The following LARGE1 variants were observed in gnomAD, a reference collection of about 807,000 sequenced individuals.
The protein encoded by LARGE1 is xylosyl- and glucuronyltransferase LARGE1.
LARGE1 carries 43 observed loss-of-function variants against 87.6 expected under a neutral mutation model. The observed-to-expected ratio is 0.49, with a 90% CI of 0.38 to 0.63. The LOEUF (loss-of-function observed/expected upper bound fraction) is 0.63. Ranked by LOEUF, LARGE1 falls within the 30% of genes least tolerant of loss-of-function variation. The probability of loss-of-function intolerance (pLI) is 0.00; values close to 1 mark genes in which losing one functional copy is unlikely to be tolerated. For missense variants in LARGE1, 802 were observed against 1,000.2 expected (o/e 0.80, Z 2.67); for synonymous variants, 434 against 394.6 (o/e 1.10, Z -1.18).
intron 6 of LARGE1, among the ~76,000 whole-genome samples, chr22:33,441,486 C>A (rs2067476062): frequency 6.6e-6 from 1 of 152,134 alleles, no homozygotes; most frequent in South Asian, 2.1e-4. Flanking sequence ...CAGGGTCTCA[C>A]TATGTCACCC....
At chr22:33,275,750 C>T (rs1040135090) in intron 14 of LARGE1, among the ~76,000 whole-genome samples, 1 of 152,194 alleles carries the variant, frequency 6.6e-6, no homozygotes, top group Non-Finnish European at 1.5e-5. Context: ...TTCAAGAATT[C>T]TGTCAAAACT....
At chr22:33,344,401 C>A (rs1043579952) in intron 9 of LARGE1, among the ~76,000 whole-genome samples, 9 of 152,146 alleles carry the variant, frequency 5.9e-5, no homozygotes, top group East Asian at 5.8e-4. Flanking sequence ...GAAGGTATCA[C>A]AAAACTGTCC....
rs1249572845 is a variant in LARGE1, at chr22:33,584,217, T to C, written c.616-19198A>G. Among the ~76,000 whole-genome samples the C allele has an allele frequency of 2.0e-5, 3 of 152,224 alleles. No individual in the cohort carries two copies. The South Asian group carries it at 6.2e-4, about 32-fold the overall frequency. On this transcript the variant is annotated intron_variant, in intron 5 of 14. Transcript: ENST00000397394. The stretch of plus-strand genomic sequence containing the variant: ...TTGCTTGGGAAAAAGTATTCTCTTC[T>C]TTGGGCAACGAAAGCCTGTCATTAA...
chr22:33,293,273 C>T (rs1932856653), intron 12 of LARGE1, among the ~76,000 whole-genome samples: 1 of 152,230 alleles, frequency 6.6e-6, no homozygotes, highest in South Asian at 2.1e-4. Flanking sequence ...TGCTTACATG[C>T]ATTGAGTTTC....
upstream of LARGE1, among the ~76,000 whole-genome samples, chr22:33,921,062 G>A (rs1457099727): frequency 1.3e-5 from 2 of 150,484 alleles, no homozygotes; most frequent in African/African-American, 4.8e-5. This position sits in a 1 kb window ranked among gnomAD's most constrained non-coding sequence, Gnocchi z 4.1. Flanking sequence ...CCGGGGCTGG[G>A]TTCCGAGCGG....
chr22:33,210,251 G>C (rs1420046387), intron 11 of LARGE1, among the ~76,000 whole-genome samples: 1 of 152,260 alleles, frequency 6.6e-6, no homozygotes, highest in East Asian at 1.9e-4. Flanking sequence ...GGCCTTTGGG[G>C]CGTGTATCCT....
In LARGE1 at chr22:33,626,270, G is replaced by A. The variant is rs774224430; in HGVS notation, c.465C>T (p.Thr155=). 3.1e-6 allele frequency: 5 copies of A among 1,614,104 alleles called. No individual in the cohort carries two copies. In the South Asian group the frequency reaches 5.5e-5, roughly 18 times the overall value. ...AGYNASRDVV[T]LVKSVLFHRR... is the part of the protein sequence containing the mutation. ...TATGGAACAGGACGGATTTGACCAG[G>A]GTGACGACATCCCGGCTGGCATTGT... is the stretch of plus-strand genomic sequence containing the variant. Residue 155 remains threonine, a synonymous_variant, in exon 4 of 15, where the codon ACC becomes ACT. Transcript: ENST00000397394.
At chr22:33,413,594 A>T (rs1022793859) in intron 7 of LARGE1, among the ~76,000 whole-genome samples, 1 of 151,932 alleles carries the variant, frequency 6.6e-6, no homozygotes, top group African/African-American at 2.4e-5. Context: ...CCTCCTGAGT[A>T]CCCGGGACTA....
intron 2 of LARGE1, among the ~76,000 whole-genome samples, chr22:33,699,546 G>A (rs1438813430): frequency 3.9e-5 from 6 of 152,198 alleles, no homozygotes; most frequent in Admixed American, 6.5e-5. Context: ...AGGACGGCAC[G>A]ATGTAGACAG....
At chr22:33,835,689 C>T (rs1054629562) in intron 1 of LARGE1, among the ~76,000 whole-genome samples, 2 of 152,214 alleles carry the variant, frequency 1.3e-5, no homozygotes, top group African/African-American at 4.8e-5. Context: ...GCTCACCTGG[C>T]ATGGATAAAT....
chr22:33,488,103 G>T (rs1569206916), intron 6 of LARGE1, among the ~76,000 whole-genome samples: 1 of 152,214 alleles, frequency 6.6e-6, no homozygotes, highest in Non-Finnish European at 1.5e-5. Context: ...AGGACTTGGT[G>T]AAATTTCAAA....
chr22:33,366,610 A>C (rs920738860), intron 9 of LARGE1, among the ~76,000 whole-genome samples: 1 of 152,178 alleles, frequency 6.6e-6, no homozygotes, highest in Non-Finnish European at 1.5e-5. Flanking sequence ...AGATTTTTGC[A>C]TCTATATTCA....
intron 2 of LARGE1, among the ~76,000 whole-genome samples, chr22:33,716,569 A>G (rs141476941): frequency 5.3e-5 from 8 of 152,244 alleles, no homozygotes; most frequent in Non-Finnish European, 4.4e-5. Context: ...GCTAACTTAC[A>G]TTATTTTTTG....
chr22:33,389,286 G>T (rs1241844327), intron 7 of LARGE1, among the ~76,000 whole-genome samples: 3 of 152,380 alleles, frequency 2.0e-5, no homozygotes, highest in Admixed American at 2.0e-4. Flanking sequence ...ACACAGGTGC[G>T]TTCCAACCAT....
intron 5 of LARGE1, among the ~76,000 whole-genome samples, chr22:33,595,934 T>C (rs2078964958): frequency 6.6e-6 from 1 of 152,162 alleles, no homozygotes; most frequent in African/African-American, 2.4e-5. Context: ...AAGATGAAGA[T>C]TTCAGTAAGG....
chr22:33,298,572 T>C (rs1378737149), intron 12 of LARGE1, among the ~76,000 whole-genome samples: 5 of 152,138 alleles, frequency 3.3e-5, no homozygotes, highest in Admixed American at 2.0e-4. Context: ...CCTGTAATCC[T>C]AGGGTTGTGG....
intron 3 of LARGE1, among the ~76,000 whole-genome samples, chr22:33,631,235 A>G (rs1438198431): frequency 6.6e-6 from 1 of 151,960 alleles, no homozygotes; most frequent in Non-Finnish European, 1.5e-5. Context: ...AGACATGATC[A>G]CAGAACACGA....
At chr22:33,425,690 T>G (rs933011157) in intron 7 of LARGE1, among the ~76,000 whole-genome samples, 3 of 152,230 alleles carry the variant, frequency 2.0e-5, no homozygotes, top group African/African-American at 7.2e-5. Context: ...TAGGATCAAG[T>G]AAAACTGGGA....
rs35353034 is a variant in LARGE1, at chr22:33,455,757, CAAAAAAA to C, written c.788-23499_788-23493del. ...CGACTGAGTGAAACTCTGTCTCAGC[CAAAAAAA>C]AAAAAAAAAAAAAAAATTGCTATTG... On this transcript the variant is annotated intron_variant, in intron 6 of 14. Coordinates refer to ENST00000397394, the MANE Select transcript of LARGE1 (RefSeq NM_133642.5). 1.7e-3 allele frequency among the ~76,000 whole-genome samples: 107 copies of C among 64,250 alleles called. 2 individuals are homozygous for C. Among genetic ancestry groups the C allele is most frequent in the African/African-American group, 5.3e-3 (84 of 15,856 alleles). 42.2% of individuals were successfully genotyped at this position (64,250 alleles called of 152,430 possible).
Sources: gnomAD v4.1 joint callset for allele counts (sites outside exome capture counted in the v4.1 genomes callset) on GRCh38, gnomAD v4.1.1 for gene constraint, Gnocchi (gnomAD v3.1) non-coding constraint, MANE v1.5 for transcripts, NCBI Gene and HGNC (gene_info 2026-07-23, HGNC 2026-07-21) for gene names.